ANKS1B: variants seen among roughly 807,000 people sequenced by gnomAD.
The protein encoded by ANKS1B is ankyrin repeat and sterile alpha motif domain-containing protein 1B.
ANKS1B carries 36 observed loss-of-function variants against 148.3 expected under a neutral mutation model. The observed-to-expected ratio is 0.24, with a 90% confidence interval of 0.19 to 0.32. The LOEUF (loss-of-function observed/expected upper bound fraction) is 0.32, where lower values mean the gene tolerates loss of function less well. Among genes scored for constraint, ANKS1B ranks in the 10% least tolerant of loss-of-function variants. The pLI is 1.00. For synonymous variants in ANKS1B, 542 were observed against 560.8 expected, an observed-to-expected ratio of 0.97 and a Z score of 0.47; for missense variants, 1,157 against 1,542.6, an observed-to-expected ratio of 0.75 and a Z score of 4.19.
At chr12:98,945,523 A>C (rs1321788216) in intron 17 of ANKS1B, among the ~76,000 whole-genome samples, 7 of 150,956 alleles carry the variant, frequency 4.6e-5, no homozygotes, top group Non-Finnish European at 1.0e-4. Context: ...AAAAAAAAAA[A>C]AAAAAAAAAA....
At chr12:99,608,241 T>C (rs2097865618) in intron 9 of ANKS1B, among the ~76,000 whole-genome samples, 3 of 152,072 alleles carry the variant, frequency 2.0e-5, no homozygotes, top group Non-Finnish European at 1.5e-5. Context: ...TTTGTGTGCA[T>C]GGGTGTGGTA....
intron 12 of ANKS1B, among the ~76,000 whole-genome samples, chr12:99,300,334 T>C (rs1291713199): frequency 6.6e-6 from 1 of 152,170 alleles, no homozygotes; most frequent in Non-Finnish European, 1.5e-5. Flanking sequence ...AGGATAATTA[T>C]AGATAATTAC....
rs193094895 is a variant in ANKS1B at position 99,024,592 on chromosome 12, T to G, written c.2778+28565A>C. Among the ~76,000 whole-genome samples, 750 of 152,352 alleles carry G rather than the reference T, an allele frequency of 4.9e-3. 2 individuals carry two copies. Among genetic ancestry groups the G allele is most frequent in the African/African-American group, 0.017 (704 of 41,576 alleles). ...TATATTTTGCATCTTTTGCTGAATTTGGGATAGTTTCATTAAATTGATCTT... is the reference window on the plus strand; with the variant it reads ...TATATTTTGCATCTTTTGCTGAATTGGGGATAGTTTCATTAAATTGATCTT... On this transcript the variant is annotated intron_variant, in intron 17 of 26. Transcript: ENST00000683438.
chr12:99,271,799 G>A (rs1370999706), intron 12 of ANKS1B, among the ~76,000 whole-genome samples: 1 of 151,328 alleles, frequency 6.6e-6, no homozygotes, highest in Non-Finnish European at 1.5e-5. Flanking sequence ...GGGGAAGAAG[G>A]ATGAACCAAG....
intron 9 of ANKS1B, among the ~76,000 whole-genome samples, chr12:99,569,296 C>T (rs550245011): frequency 7.9e-5 from 12 of 152,174 alleles, no homozygotes; most frequent in Non-Finnish European, 1.2e-4. Context: ...AGGCTGGGAA[C>T]TGCTTCATGA....
chr12:99,769,441 C>G (rs2062986684), intron 8 of ANKS1B, among the ~76,000 whole-genome samples: 1 of 152,118 alleles, frequency 6.6e-6, no homozygotes, highest in African/African-American at 2.4e-5. Context: ...GAGCCTCTCC[C>G]CAGATCAAGC....
chr12:99,256,086 C>A (rs943746856), intron 12 of ANKS1B, among the ~76,000 whole-genome samples: 4 of 151,656 alleles, frequency 2.6e-5, no homozygotes, highest in Non-Finnish European at 4.4e-5. Flanking sequence ...CCTGTCTATA[C>A]TAAAAATACA....
intron 10 of ANKS1B, among the ~76,000 whole-genome samples, chr12:99,448,158 T>A (rs1185001862): frequency 6.6e-6 from 1 of 152,146 alleles, no homozygotes; most frequent in Non-Finnish European, 1.5e-5. Context: ...CCCATGTTAT[T>A]GTAGCATTAT....
At chr12:98,974,332 C>T (rs546557677) in intron 17 of ANKS1B, among the ~76,000 whole-genome samples, 4 of 152,230 alleles carry the variant, frequency 2.6e-5, no homozygotes, top group Non-Finnish European at 5.9e-5. Flanking sequence ...GGGAAACTTA[C>T]CCAACCTCTC....
intron 9 of ANKS1B, among the ~76,000 whole-genome samples, chr12:99,646,319 T>TCAGTATCCAAAATAATCAAACATTG (rs1567552646): frequency 1.3e-5 from 2 of 151,802 alleles, no homozygotes; most frequent in East Asian, 3.9e-4. Flanking sequence ...ATCAAACATT[T>TCAGTATCCAAAATAATCAAACATTG]CAATATGAAA....
At chr12:99,522,902 G>A (rs2096889112) in intron 9 of ANKS1B, among the ~76,000 whole-genome samples, 1 of 152,142 alleles carries the variant, frequency 6.6e-6, no homozygotes, top group Non-Finnish European at 1.5e-5. Flanking sequence ...CTTTAGTAAG[G>A]CTGTGCAAGG....
At chr12:98,774,395 C>G (rs141008198) in intron 24 of ANKS1B, among the ~76,000 whole-genome samples, 114 of 152,276 alleles carry the variant, frequency 7.5e-4, no homozygotes, top group African/African-American at 2.6e-3. Flanking sequence ...GCCTTCTTCC[C>G]TGGTGGGAGA....
intron 17 of ANKS1B, among the ~76,000 whole-genome samples, chr12:98,975,102 CCTA>C (rs201880034): frequency 6.2e-5 from 7 of 113,432 alleles, no homozygotes; most frequent in African/African-American, 2.3e-4. Flanking sequence ...TTCCCTCCCT[CCTA>C]CTTTCTTCTG....
At chr12:99,392,087 T>C (rs546018662) in intron 12 of ANKS1B, among the ~76,000 whole-genome samples, 84 of 152,350 alleles carry the variant, frequency 5.5e-4, no homozygotes, top group African/African-American at 1.9e-3. Context: ...AACCCTTTAC[T>C]TTCTCCATAT....
At chr12:99,496,245 C>A (rs1432359933) in intron 10 of ANKS1B, among the ~76,000 whole-genome samples, 1 of 152,114 alleles carries the variant, frequency 6.6e-6, no homozygotes, top group Non-Finnish European at 1.5e-5. Context: ...AAAAATTCCC[C>A]TAGGAAGGTT....
At chr12:98,786,656 G>A (rs1345901716) in intron 22 of ANKS1B, among the ~76,000 whole-genome samples, 2 of 152,190 alleles carry the variant, frequency 1.3e-5, no homozygotes, top group African/African-American at 4.8e-5. Flanking sequence ...TAATCTCAGA[G>A]CAAGACTTTT....
At chr12:99,661,760 T>C (rs532692675) in intron 8 of ANKS1B, among the ~76,000 whole-genome samples, 1 of 152,334 alleles carries the variant, frequency 6.6e-6, no homozygotes, top group South Asian at 2.1e-4. Context: ...ACTCCAACTT[T>C]TAGCTGGGCA....
At chr12:99,711,662 A>C (rs1362063666) in intron 8 of ANKS1B, among the ~76,000 whole-genome samples, 1 of 152,140 alleles carries the variant, frequency 6.6e-6, no homozygotes, top group Non-Finnish European at 1.5e-5. Flanking sequence ...ATCTCGCACC[A>C]ATCAGAATGG....
intron 8 of ANKS1B, among the ~76,000 whole-genome samples, chr12:99,747,667 G>A (rs1401437107): frequency 1.3e-5 from 2 of 151,982 alleles, no homozygotes; most frequent in African/African-American, 4.8e-5. Context: ...ATCCAATCCA[G>A]TCAAATTGCT....
Sources: gnomAD v4.1 joint callset for allele counts (sites outside exome capture counted in the v4.1 genomes callset) on GRCh38, gnomAD v4.1.1 for gene constraint, MANE v1.5 for transcripts, NCBI Gene and HGNC (gene_info 2026-07-23, HGNC 2026-07-21) for gene names.